Variants in LANCL3 observed in about 807,000 individuals in gnomAD.
LANCL3 encodes the protein lanC-like protein 3.
In LANCL3, 19 loss-of-function variants were observed where a neutral mutation model predicts 26.5. The ratio of observed to expected loss-of-function variants is 0.72; its 90% CI spans 0.50 to 1.05. LANCL3 has a LOEUF of 1.05. Among genes scored for constraint, LANCL3 ranks in the 50% least tolerant of loss-of-function variants. The pLI is 0.00. For synonymous variants in LANCL3, 160 were observed against 166.6 expected (o/e 0.96, Z 0.30); for missense variants, 318 against 362.7 (o/e 0.88, Z 1.00).
At chrX:37,622,302 A>G (rs1341722185) in intron 1 of LANCL3, among the ~76,000 whole-genome samples, 6 of 111,244 alleles carry the variant, frequency 5.4e-5, no homozygotes, top group Admixed American at 9.6e-5. Flanking sequence ...TTTGGAATCA[A>G]TAAGGGTTCC....
rs369704441 is a variant in LANCL3 at position 37,675,690 on chromosome X, C to T, written c.1140C>T (p.Ala380=). The change falls in exon 5 of 5, where the codon GCC becomes GCT. Residue 380 remains alanine, a synonymous_variant. Coordinates refer to ENST00000378619, the MANE Select transcript of LANCL3 (RefSeq NM_001170331.2). ...TCTTATTTACCGAGGAATTCAAGGC[C>T]GGTTCTCGGGTCCTTGAAAGTATAT... ...AQFLFTEEFK[A]GSRVLESIYS... 4.4e-5 allele frequency: 50 copies of T among 1,144,125 alleles called. No individual in the cohort carries two copies. The highest frequency in any genetic ancestry group is 1.3e-4 in the East Asian group (4 of 30,075). 94.3% of individuals were successfully genotyped at this position (1,144,125 alleles called of 1,213,427 possible).
chrX:37,626,903 C>T (rs192316917), intron 1 of LANCL3, among the ~76,000 whole-genome samples: 2 of 111,863 alleles, frequency 1.8e-5, no homozygotes, highest in African/African-American at 3.2e-5. Flanking sequence ...CTGTGAGTAA[C>T]GCCCTTGTTA....
intron 1 of LANCL3, among the ~76,000 whole-genome samples, chrX:37,609,538 T>C (rs1238946900): frequency 9.8e-5 from 11 of 111,928 alleles, no homozygotes; most frequent in Non-Finnish European, 2.1e-4. Context: ...AAAGAGATAC[T>C]GCACTGAGAT....
intron 1 of LANCL3, among the ~76,000 whole-genome samples, chrX:37,615,470 G>C (rs186796399): frequency 8.9e-6 from 1 of 112,188 alleles, no homozygotes; most frequent in Non-Finnish European, 1.9e-5. Flanking sequence ...GCAGTTGGGT[G>C]TCAAGTGTGA....
intron 4 of LANCL3, chrX:37,668,293 A>C (rs1054356322): frequency 1.1e-5 from 2 of 174,020 alleles, no homozygotes; most frequent in Non-Finnish European, 1.1e-5. Flanking sequence ...TATATATATA[A>C]ATATATATAT....
chrX:37,674,672 G>T (rs73472113), intron 4 of LANCL3, among the ~76,000 whole-genome samples: 1,988 of 111,480 alleles, frequency 0.018, 41 homozygotes, highest in African/African-American at 0.061. Flanking sequence ...TAGAAAAATT[G>T]TAACAAATAT....
intron 1 of LANCL3, among the ~76,000 whole-genome samples, chrX:37,607,920 T>C (rs1157712065): frequency 8.9e-6 from 1 of 112,590 alleles, no homozygotes; most frequent in Non-Finnish European, 1.9e-5. Flanking sequence ...GATTTGGTCT[T>C]GACAGAAATG....
chrX:37,638,196 A>T (rs139137637), intron 1 of LANCL3, among the ~76,000 whole-genome samples: 1,488 of 111,476 alleles, frequency 0.013, 13 homozygotes, highest in African/African-American at 0.046. Context: ...TACAGCCTGG[A>T]GGATTTCTGG....
At chrX:37,630,016 A>G (rs1490082544) in intron 1 of LANCL3, among the ~76,000 whole-genome samples, 1 of 111,641 alleles carries the variant, frequency 9.0e-6, no homozygotes, top group Non-Finnish European at 1.9e-5. Context: ...TGGGGATGGC[A>G]TTGAATCTAT....
intron 3 of LANCL3, among the ~76,000 whole-genome samples, chrX:37,663,594 A>G (rs1345952474): frequency 5.4e-5 from 6 of 111,647 alleles, no homozygotes; most frequent in Admixed American, 4.8e-4. Flanking sequence ...GGAGTCATTT[A>G]GTAGTTTAAG....
At chrX:37,656,362 C>G (rs1161293576) in intron 2 of LANCL3, among the ~76,000 whole-genome samples, 1 of 111,359 alleles carries the variant, frequency 9.0e-6, no homozygotes, top group Non-Finnish European at 1.9e-5. Flanking sequence ...TTTCTCTAGA[C>G]TCAAACTTTA....
intron 1 of LANCL3, among the ~76,000 whole-genome samples, chrX:37,626,266 A>G (rs1000923977): frequency 1.8e-5 from 2 of 112,254 alleles, no homozygotes; most frequent in Non-Finnish European, 3.8e-5. Flanking sequence ...AAAGATAGAC[A>G]GAAATCATTT....
At chrX:37,597,286 C>T (rs1405897964) in intron 1 of LANCL3, among the ~76,000 whole-genome samples, 3 of 111,892 alleles carry the variant, frequency 2.7e-5, no homozygotes, top group African/African-American at 9.8e-5. Flanking sequence ...AATAATGCTG[C>T]CATAATGCTG....
intron 1 of LANCL3, among the ~76,000 whole-genome samples, chrX:37,632,427 T>G (rs1925550267): frequency 9.0e-6 from 1 of 111,613 alleles, no homozygotes; most frequent in South Asian, 3.7e-4. Context: ...TCTGTGTCTT[T>G]TAATTGGAGC....
At chrX:37,660,472 T>C (rs1045230698) in intron 3 of LANCL3, among the ~76,000 whole-genome samples, 3 of 111,778 alleles carry the variant, frequency 2.7e-5, no homozygotes, top group African/African-American at 9.8e-5. Context: ...CCTATCTTTT[T>C]CCCACTTTTA....
At chrX:37,604,796 T>C (rs1357808508) in intron 1 of LANCL3, among the ~76,000 whole-genome samples, 2 of 112,757 alleles carry the variant, frequency 1.8e-5, no homozygotes, top group African/African-American at 6.4e-5. Flanking sequence ...AAGCAAGTCA[T>C]GTAGCCAGTT....
intron 1 of LANCL3, among the ~76,000 whole-genome samples, chrX:37,627,423 C>T (rs1925347154): frequency 9.0e-6 from 1 of 111,301 alleles, no homozygotes; most frequent in Non-Finnish European, 1.9e-5. Flanking sequence ...GTAGTGGTAA[C>T]ACCTCCAGTC....
At chrX:37,636,944 ATCCTCTAAGCATGCTTTCT>A (rs1925722464) in intron 1 of LANCL3, among the ~76,000 whole-genome samples, 1 of 112,324 alleles carries the variant, frequency 8.9e-6, no homozygotes, top group African/African-American at 3.2e-5. Context: ...AAAGCCAAGC[ATCCTCTAAGCATGCTTTCT>A]ACAGTTCTAT....
At chrX:37,587,497 G>A (rs781924807) in intron 1 of LANCL3, among the ~76,000 whole-genome samples, 39 of 112,737 alleles carry the variant, frequency 3.5e-4, no homozygotes, top group African/African-American at 1.2e-3. Context: ...TAGCAATGGC[G>A]GGCGCCCCTC....
Sources: gnomAD v4.1 joint callset for allele counts (sites outside exome capture counted in the v4.1 genomes callset) on GRCh38, gnomAD v4.1.1 for gene constraint, MANE v1.5 for transcripts, NCBI Gene and HGNC (gene_info 2026-07-23, HGNC 2026-07-21) for gene names.